The following LEPR variants were observed in gnomAD, a reference collection of about 807,000 sequenced individuals.
LEPR encodes leptin receptor.
LEPR carries 56 observed loss-of-function variants against 114.7 expected under a neutral mutation model. The ratio of observed to expected loss-of-function variants is 0.49; its 90% CI spans 0.39 to 0.61. The LOEUF (loss-of-function observed/expected upper bound fraction) is 0.61. LEPR is among the 20% of genes least tolerant of loss of function. The pLI, the probability that LEPR is intolerant of heterozygous loss-of-function variation, is 0.00. For synonymous variants in LEPR, 443 were observed against 461.4 expected (o/e 0.96, Z 0.51); for missense variants, 1,202 against 1,352.9 (o/e 0.89, Z 1.75).
At chr1:65,543,279 T>C (rs2100672536) in intron 2 of LEPR, among the ~76,000 whole-genome samples, 1 of 152,190 alleles carries the variant, frequency 6.6e-6, no homozygotes, top group Middle Eastern at 3.4e-3. Flanking sequence ...TAGTGTCTGT[T>C]CATATCCTTT....
Position 65,425,316 on chromosome 1 carries a change from A to G in LEPR, c.-83A>G. 1 of 1,612,046 alleles carries G rather than the reference A, an allele frequency of 6.2e-7. No individual in the cohort carries two copies. Among genetic ancestry groups the G allele is most frequent in the Non-Finnish European group, 8.5e-7 (1 of 1,179,476 alleles). On this transcript the variant is annotated 5_prime_UTR_variant, in exon 2 of 20. Coordinates refer to ENST00000349533, the MANE Select transcript of LEPR (RefSeq NM_002303.6). ...TATTTTTCACAGCTCTCGTGGCATT[A>G]TCCTTCAGTGGGGCTATTGGACTGA...
At chr1:65,615,376 C>A (rs796704672) in intron 14 of LEPR, among the ~76,000 whole-genome samples, 1 of 152,106 alleles carries the variant, frequency 6.6e-6, no homozygotes, top group Non-Finnish European at 1.5e-5. Context: ...ATTTTACATT[C>A]GGATCTTTAA....
rs1161995442 is a variant in LEPR, at chr1:65,516,673, A to C, written c.-20-48873A>C. ...GAATCCATTATTTAATTAAACAGTT[A>C]TATTGTTTATCCAGCTAATGCAACT... On this transcript the variant is annotated intron_variant, in intron 2 of 19. Transcript: ENST00000349533. 4.6e-5 allele frequency among the ~76,000 whole-genome samples: 7 copies of C among 152,334 alleles called. No homozygotes were observed. The East Asian group carries it at 1.4e-3, about 29-fold the overall frequency.
chr1:65,576,045 A>G (rs1224539647), intron 5 of LEPR: 2 of 151,552 alleles, frequency 1.3e-5, no homozygotes, highest in Non-Finnish European at 2.9e-5. Flanking sequence ...CCTGGCACCA[A>G]CAACGTTCTT....
chr1:65,590,822 C>A (rs1318079042), intron 5 of LEPR, among the ~76,000 whole-genome samples: 3 of 150,456 alleles, frequency 2.0e-5, no homozygotes, highest in Non-Finnish European at 4.4e-5. Flanking sequence ...TATTCTATTT[C>A]ATTATATTCT....
chr1:65,431,610 C>G (rs1412996951), intron 2 of LEPR, among the ~76,000 whole-genome samples: 4 of 152,174 alleles, frequency 2.6e-5, no homozygotes. Context: ...TGATACCAGA[C>G]TTAATTAACA....
intron 2 of LEPR, among the ~76,000 whole-genome samples, chr1:65,523,413 C>A (rs12089884): frequency 6.6e-6 from 1 of 151,980 alleles, no homozygotes; most frequent in African/African-American, 2.4e-5. Context: ...TGGATTCAAC[C>A]GATTCTCTTG....
intron 2 of LEPR, among the ~76,000 whole-genome samples, chr1:65,487,110 A>C (rs1647531055): frequency 6.6e-6 from 1 of 152,160 alleles, no homozygotes; most frequent in Non-Finnish European, 1.5e-5. Flanking sequence ...AGTTTAACCA[A>C]TTGTATAATA....
chr1:65,550,943 C>T (rs1226412261), intron 2 of LEPR, among the ~76,000 whole-genome samples: 1 of 151,990 alleles, frequency 6.6e-6, no homozygotes, highest in African/African-American at 2.4e-5. Flanking sequence ...CAGAGCTGTT[C>T]CTATTCGGCC....
At chr1:65,462,252 G>T (rs1421643898) in intron 2 of LEPR, among the ~76,000 whole-genome samples, 1 of 152,140 alleles carries the variant, frequency 6.6e-6, no homozygotes, top group Non-Finnish European at 1.5e-5. Context: ...TGCGGTGTTT[G>T]GTTTTCTGTC....
At chr1:65,437,599 C>G (rs900182176) in intron 2 of LEPR, among the ~76,000 whole-genome samples, 4 of 151,688 alleles carry the variant, frequency 2.6e-5, no homozygotes, top group Admixed American at 2.6e-4. Context: ...GAGCCGAGAT[C>G]GCGCCACTGC....
At chr1:65,574,421 G>A (rs1006270923) in intron 5 of LEPR, among the ~76,000 whole-genome samples, 3 of 152,162 alleles carry the variant, frequency 2.0e-5, no homozygotes, top group Admixed American at 1.3e-4. Context: ...ATTTAAATTT[G>A]CTAGCTCACC....
intron 11 of LEPR, among the ~76,000 whole-genome samples, chr1:65,607,559 A>G (rs1199870900): frequency 2.0e-5 from 3 of 152,222 alleles, no homozygotes; most frequent in African/African-American, 7.2e-5. Flanking sequence ...AACTGAATAT[A>G]TGTCCTCTAA....
At position 65,605,198 on chromosome 1, in the gene LEPR, C is replaced by T; in HGVS notation, c.1564C>T (p.Leu522Phe). The T allele has an allele frequency of 6.2e-7, 1 of 1,614,166 alleles. No individual in the cohort carries two copies. The highest frequency in any genetic ancestry group is 8.5e-7 in the Non-Finnish European group (1 of 1,180,026). Residue 522 changes from leucine (L) to phenylalanine (F), a missense_variant, in exon 11 of 20, where the codon CTT becomes TTT. Coordinates refer to ENST00000349533, the MANE Select transcript of LEPR (RefSeq NM_002303.6). ...WIRINHSLGS[L>F]DSPPTCVLPD... ...TAGGATCAATCACTCTCTAGGTTCACTTGACTCTCCACCAACATGTGTCCT... is the reference window on the plus strand; with the variant it reads ...TAGGATCAATCACTCTCTAGGTTCATTTGACTCTCCACCAACATGTGTCCT...
chr1:65,592,997 T>C, intron 6 of LEPR, 132 bp downstream of exon 6: 2 of 987,962 alleles, frequency 2.0e-6, no homozygotes, highest in Non-Finnish European at 1.5e-6. Flanking sequence ...GATGTAGTAC[T>C]GGGGGTATTA....
intron 2 of LEPR, among the ~76,000 whole-genome samples, chr1:65,544,094 A>G (rs1334910896): frequency 6.6e-6 from 1 of 152,016 alleles, no homozygotes; most frequent in Non-Finnish European, 1.5e-5. Context: ...CTTCCTATCC[A>G]TGTGCATGGA....
intron 5 of LEPR, among the ~76,000 whole-genome samples, chr1:65,584,196 C>T (rs1291828837): frequency 4.0e-5 from 6 of 151,768 alleles, no homozygotes; most frequent in Admixed American, 3.9e-4. Flanking sequence ...TAAGATGTAC[C>T]AGGTTGATCT....
At position 65,636,966 on chromosome 1, in the gene LEPR, C is replaced by G; in HGVS notation, c.3449C>G (p.Thr1150Ser). The G allele has an allele frequency of 6.2e-7, 1 of 1,613,144 alleles. No individual in the cohort carries two copies. The highest frequency in any genetic ancestry group is 8.5e-7 in the Non-Finnish European group (1 of 1,179,758). ...ATGCCTCAATTCCAAACTTGTTCTA[C>G]TCAGACTCATAAGATCATGGAAAAC... ...SYMPQFQTCS[T>S]QTHKIMENKM... Residue 1150 changes from threonine to serine, a missense_variant, in exon 20 of 20, where the codon ACT becomes AGT. By Grantham distance (58) the Thr-to-Ser change is moderately conservative. Transcript: ENST00000349533.
At chr1:65,484,519 T>C (rs576431381) in intron 2 of LEPR, among the ~76,000 whole-genome samples, 4 of 152,310 alleles carry the variant, frequency 2.6e-5, no homozygotes, top group African/African-American at 9.6e-5. Context: ...TATTGTGGAC[T>C]GTACAAAGAG....
Sources: allele counts gnomAD v4.1 joint callset (sites outside exome capture counted in the v4.1 genomes callset), GRCh38; gene constraint gnomAD v4.1.1; transcripts MANE v1.5; gene names NCBI Gene and HGNC (gene_info 2026-07-23, HGNC 2026-07-21).